Variants in UNC5C observed in about 807,000 individuals in gnomAD.
UNC5C encodes netrin receptor UNC5C.
A neutral mutation model predicts 99.8 loss-of-function variants in UNC5C; 47 were observed. That is an observed-to-expected ratio of 0.47 (90% confidence interval 0.37 to 0.60). The LOEUF is 0.60. Among genes scored for constraint, UNC5C ranks in the 20% least tolerant of loss-of-function variants. UNC5C has a pLI of 0.00. For missense variants in UNC5C, 1,062 were observed against 1,165.9 expected (o/e 0.91, Z 1.30); for synonymous variants, 487 against 452.2 (o/e 1.08, Z -0.98).
intron 1 of UNC5C, among the ~76,000 whole-genome samples, chr4:95,335,946 C>T (rs1254592547): frequency 1.3e-5 from 2 of 151,848 alleles, no homozygotes; most frequent in Non-Finnish European, 2.9e-5. Flanking sequence ...CCCAATGTAT[C>T]ACTACATTTC....
At chr4:95,475,917 G>A (rs1203528633) in intron 1 of UNC5C, among the ~76,000 whole-genome samples, 1 of 152,044 alleles carries the variant, frequency 6.6e-6, no homozygotes, top group East Asian at 1.9e-4. Context: ...GTTTTCAAAA[G>A]CTCACATAAT....
chr4:95,517,275 A>C (rs777131714), intron 1 of UNC5C, among the ~76,000 whole-genome samples: 1 of 152,138 alleles, frequency 6.6e-6, no homozygotes, highest in Non-Finnish European at 1.5e-5. Context: ...TACTTCTTGA[A>C]ATTTGCATCT....
chr4:95,324,123 C>A (rs984670077), intron 2 of UNC5C, among the ~76,000 whole-genome samples: 3 of 152,144 alleles, frequency 2.0e-5, no homozygotes, highest in Non-Finnish European at 2.9e-5. Context: ...AGGTCCCCAA[C>A]CCCCAGGCCA....
chr4:95,395,056 T>A (rs921554294), intron 1 of UNC5C, among the ~76,000 whole-genome samples: 1 of 152,162 alleles, frequency 6.6e-6, no homozygotes, highest in Non-Finnish European at 1.5e-5. Flanking sequence ...TCTTCAGCCC[T>A]CCTGTCTGCC....
intron 1 of UNC5C, among the ~76,000 whole-genome samples, chr4:95,411,879 G>A (rs575240055): frequency 6.6e-6 from 1 of 152,020 alleles, no homozygotes; most frequent in South Asian, 2.1e-4. Flanking sequence ...CTTCGTTAAG[G>A]ACCTTCTCAT....
At chr4:95,255,469 CCTCA>C (rs1196362783) in intron 4 of UNC5C, among the ~76,000 whole-genome samples, 1 of 152,154 alleles carries the variant, frequency 6.6e-6, no homozygotes, top group Non-Finnish European at 1.5e-5. Context: ...CCCCTTCTAG[CCTCA>C]CTTTCAGCTG....
At chr4:95,371,513 G>T (rs1744749115) in intron 1 of UNC5C, among the ~76,000 whole-genome samples, 1 of 151,958 alleles carries the variant, frequency 6.6e-6, no homozygotes, top group Non-Finnish European at 1.5e-5. Flanking sequence ...ATGGTTTAGA[G>T]GCAAGTCCTG....
intron 1 of UNC5C, among the ~76,000 whole-genome samples, chr4:95,401,136 T>C (rs1026467315): frequency 1.3e-5 from 2 of 152,140 alleles, no homozygotes; most frequent in Non-Finnish European, 1.5e-5. Flanking sequence ...TTTTTCTTTT[T>C]TATTCAATAT....
At chr4:95,232,505 T>G (rs1738949385) in intron 7 of UNC5C, among the ~76,000 whole-genome samples, 1 of 152,078 alleles carries the variant, frequency 6.6e-6, no homozygotes, top group Non-Finnish European at 1.5e-5. Flanking sequence ...AGAAGAAAAT[T>G]GAGCTTGCAG....
intron 1 of UNC5C, among the ~76,000 whole-genome samples, chr4:95,412,887 T>C (rs1578148953): frequency 6.6e-6 from 1 of 152,260 alleles, no homozygotes; most frequent in East Asian, 1.9e-4. Context: ...ACAGGAACAG[T>C]AGAGAAGGAT....
chr4:95,295,000 C>T, intron 3 of UNC5C, among the ~76,000 whole-genome samples: 1 of 152,190 alleles, frequency 6.6e-6, no homozygotes, highest in East Asian at 1.9e-4. Context: ...GTCAATCTGT[C>T]CCTCAGCTTG....
At chr4:95,448,915 C>T (rs1484625589) in intron 1 of UNC5C, among the ~76,000 whole-genome samples, 1 of 152,206 alleles carries the variant, frequency 6.6e-6, no homozygotes, top group East Asian at 1.9e-4. Context: ...GTTCTAGGTG[C>T]CCCTTTTCTT....
At chr4:95,173,487 T>G (rs1368291581) in intron 14 of UNC5C, among the ~76,000 whole-genome samples, 3 of 149,904 alleles carry the variant, frequency 2.0e-5, no homozygotes, top group Non-Finnish European at 4.4e-5. Flanking sequence ...TTTCTGCATC[T>G]ATTGAGATAA....
intron 2 of UNC5C, among the ~76,000 whole-genome samples, chr4:95,304,904 A>T (rs974903863): frequency 3.3e-5 from 5 of 152,224 alleles, no homozygotes; most frequent in African/African-American, 9.7e-5. Flanking sequence ...TAAATGCTTG[A>T]GGAATTCAGT....
chr4:95,275,999 T>C (rs529606111), intron 4 of UNC5C, among the ~76,000 whole-genome samples: 21 of 152,350 alleles, frequency 1.4e-4, no homozygotes, highest in Admixed American at 2.6e-4. Context: ...CCTATTTTTA[T>C]GCTTAAAGAT....
intron 1 of UNC5C, among the ~76,000 whole-genome samples, chr4:95,432,628 C>T (rs12509432): frequency 0.08 from 12,233 of 152,048 alleles, 600 homozygotes; most frequent in East Asian, 0.18. Context: ...CTGTTTGGGG[C>T]TGGAATAGGC....
intron 1 of UNC5C, among the ~76,000 whole-genome samples, chr4:95,403,882 T>G (rs549938331): frequency 6.6e-6 from 1 of 152,280 alleles, no homozygotes; most frequent in East Asian, 1.9e-4. Flanking sequence ...GGCTCACAGA[T>G]GGATCGTTTT....
At position 95,206,902 on chromosome 4, in the gene UNC5C, CTTTTTTT is replaced by C. The variant is rs35063112; in HGVS notation, c.1734-113_1734-107del. 2.6e-4 allele frequency: 133 copies of C among 510,860 alleles called. 1 individual carries two copies. Among genetic ancestry groups the C allele is most frequent in the Non-Finnish European group, 3.6e-4 (122 of 336,126 alleles). The allele number at this position is 510,860 out of a possible 1,614,324, so 31.6% of individuals were successfully genotyped here. ...GGTCAAGTAGTTTTCTCCTGGAATT[CTTTTTTT>C]TTTTTTTTTTCTGGGGGGTTGGGGA... On this transcript the variant is annotated intron_variant, in intron 10 of 15. Transcript: ENST00000453304.
At chr4:95,254,372 G>A (rs758777703) in intron 4 of UNC5C, among the ~76,000 whole-genome samples, 9 of 152,090 alleles carry the variant, frequency 5.9e-5, no homozygotes, top group Non-Finnish European at 1.3e-4. Flanking sequence ...CTTCACAATA[G>A]AATAATGTGG....
Sources: gnomAD v4.1 joint callset for allele counts (sites outside exome capture counted in the v4.1 genomes callset) on GRCh38, gnomAD v4.1.1 for gene constraint, MANE v1.5 for transcripts, NCBI Gene and HGNC (gene_info 2026-07-23, HGNC 2026-07-21) for gene names.